NKAIN3: variants seen among roughly 807,000 people sequenced by gnomAD.
The protein encoded by NKAIN3 is sodium/potassium-transporting ATPase subunit beta-1-interacting protein 3.
NKAIN3 carries 25 observed loss-of-function variants against 30.2 expected under a neutral mutation model. The observed-to-expected ratio is 0.83, with a 90% CI of 0.60 to 1.16. The LOEUF (loss-of-function observed/expected upper bound fraction) is 1.16. Ranked by LOEUF, NKAIN3 falls within the 50% of genes most tolerant of loss-of-function variation. NKAIN3 has a pLI of 0.00. For synonymous variants in NKAIN3, 91 were observed against 89.6 expected (o/e 1.02, Z -0.09); for missense variants, 225 against 254.1 (o/e 0.89, Z 0.78).
intron 4 of NKAIN3, among the ~76,000 whole-genome samples, chr8:62,819,679 C>T (rs1818793465): frequency 6.6e-6 from 1 of 151,394 alleles, no homozygotes; most frequent in African/African-American, 2.4e-5. Context: ...ATGAAGATGA[C>T]ATTTTTTTCA....
chr8:62,579,224 T>G (rs1029084792), intron 1 of NKAIN3, among the ~76,000 whole-genome samples: 1 of 151,942 alleles, frequency 6.6e-6, no homozygotes, highest in Non-Finnish European at 1.5e-5. Flanking sequence ...AAAATAACAA[T>G]GATAAACTTA....
chr8:62,878,755 T>A (rs1381320569), intron 4 of NKAIN3, among the ~76,000 whole-genome samples: 1 of 148,098 alleles, frequency 6.8e-6, no homozygotes, highest in Non-Finnish European at 1.5e-5. Flanking sequence ...AGTGAGAACA[T>A]GCGGTGTTTG....
chr8:62,985,128 G>C (rs924926745), downstream of NKAIN3, among the ~76,000 whole-genome samples: 1 of 152,180 alleles, frequency 6.6e-6, no homozygotes, highest in African/African-American at 2.4e-5. Flanking sequence ...TGTTCTGCAA[G>C]TGTACCCAGG....
intron 4 of NKAIN3, chr8:62,856,668 G>C: frequency 1.3e-6 from 1 of 768,838 alleles, no homozygotes; most frequent in South Asian, 1.4e-5. Flanking sequence ...TTCACTGAGT[G>C]AGTCATCAGA....
intron 4 of NKAIN3, among the ~76,000 whole-genome samples, chr8:62,831,690 T>A (rs1331837359): frequency 3.3e-5 from 5 of 151,862 alleles, no homozygotes; most frequent in African/African-American, 4.8e-5. Context: ...GAAAAAAAAA[T>A]TTTAATGAGC....
At chr8:62,895,002 C>G (rs1433186134) in intron 4 of NKAIN3, among the ~76,000 whole-genome samples, 1 of 152,138 alleles carries the variant, frequency 6.6e-6, no homozygotes, top group Non-Finnish European at 1.5e-5. Flanking sequence ...AATTGTTTAG[C>G]CTTTTAGGCT....
At chr8:62,664,256 T>C (rs537954785) in intron 3 of NKAIN3, among the ~76,000 whole-genome samples, 4 of 151,916 alleles carry the variant, frequency 2.6e-5, no homozygotes, top group African/African-American at 9.7e-5. Flanking sequence ...CTATAAAAGC[T>C]CCCATCTTTT....
intron 1 of NKAIN3, among the ~76,000 whole-genome samples, chr8:62,271,694 C>T (rs1812783353): frequency 6.6e-6 from 1 of 151,984 alleles, no homozygotes; most frequent in African/African-American, 2.4e-5. Context: ...GGATTTTTTC[C>T]CCGTTTTAAA....
intron 1 of NKAIN3, among the ~76,000 whole-genome samples, chr8:62,415,903 GC>G (rs1270833681): frequency 1.3e-5 from 2 of 152,038 alleles, no homozygotes; most frequent in East Asian, 3.9e-4. Flanking sequence ...GACTACAGGT[GC>G]CTGCCACCAT....
chr8:62,304,402 C>A (rs1214022565), intron 1 of NKAIN3, among the ~76,000 whole-genome samples: 4 of 150,418 alleles, frequency 2.7e-5, no homozygotes, highest in Non-Finnish European at 5.9e-5. Flanking sequence ...AAGTAGTCAT[C>A]TACATGCTTT....
chr8:62,989,146 T>C (rs1824265382), downstream of NKAIN3, among the ~76,000 whole-genome samples: 1 of 152,182 alleles, frequency 6.6e-6, no homozygotes, highest in African/African-American at 2.4e-5. Flanking sequence ...TTCTAGGAAG[T>C]TCCAAACTTT....
chr8:62,516,446 T>C (rs1394708862), intron 1 of NKAIN3, among the ~76,000 whole-genome samples: 4 of 152,084 alleles, frequency 2.6e-5, no homozygotes, highest in Admixed American at 2.6e-4. Flanking sequence ...TGTGTTCATA[T>C]ATGGTAAAGC....
chr8:62,478,226 A>G (rs575752021), intron 1 of NKAIN3, among the ~76,000 whole-genome samples: 2 of 152,296 alleles, frequency 1.3e-5, no homozygotes, highest in African/African-American at 4.8e-5. Context: ...ATCAACTGGT[A>G]ACTAGTAGAG....
chr8:62,639,418 G>T (rs1297830110), intron 3 of NKAIN3, among the ~76,000 whole-genome samples: 5 of 152,122 alleles, frequency 3.3e-5, no homozygotes, highest in Non-Finnish European at 7.4e-5. Context: ...AACTCACAGG[G>T]TTTGGAAGGA....
intron 1 of NKAIN3, among the ~76,000 whole-genome samples, chr8:62,490,720 A>C (rs547312166): frequency 2.5e-4 from 38 of 152,302 alleles, no homozygotes; most frequent in African/African-American, 8.9e-4. Flanking sequence ...CCAGCCCATC[A>C]CGATGCCATC....
intron 1 of NKAIN3, chr8:62,483,759 G>T (rs183640167): frequency 3.9e-5 from 11 of 284,324 alleles, no homozygotes; most frequent in African/African-American, 2.3e-4. Context: ...CTTTCATTCC[G>T]CATTTGCAGC....
chr8:62,967,800 T>C lies in NKAIN3; in HGVS notation c.*2393T>C, dbSNP rs1400195668. 6.6e-6 allele frequency among the ~76,000 whole-genome samples: 1 copy of C among 152,118 alleles called. No homozygotes were observed. The highest frequency in any genetic ancestry group is 1.5e-5 in the Non-Finnish European group (1 of 68,006). On this transcript the variant is annotated 3_prime_UTR_variant, in exon 7 of 7. Transcript: ENST00000623646. ...ACTTAATTACCCCCACACATACACA[T>C]GCAAATAAAATGTGGTTAACATTTC... is the stretch of plus-strand genomic sequence containing the variant.
chr8:62,296,604 A>T (rs1173153092), intron 1 of NKAIN3, among the ~76,000 whole-genome samples: 1 of 152,188 alleles, frequency 6.6e-6, no homozygotes, highest in Non-Finnish European at 1.5e-5. Context: ...AAAAGACAGG[A>T]TGTATTTCAA....
chr8:62,762,782 T>C (rs1816707380), intron 4 of NKAIN3, among the ~76,000 whole-genome samples: 1 of 152,170 alleles, frequency 6.6e-6, no homozygotes, highest in Admixed American at 6.5e-5. Flanking sequence ...ACAGGATAGA[T>C]GATACTGCTG....
Sources: gnomAD v4.1 joint callset for allele counts (sites outside exome capture counted in the v4.1 genomes callset) on GRCh38, gnomAD v4.1.1 for gene constraint, MANE v1.5 for transcripts, NCBI Gene and HGNC (gene_info 2026-07-23, HGNC 2026-07-21) for gene names.